The following PRKCE variants were observed in gnomAD, a reference collection of about 807,000 sequenced individuals.
The protein encoded by PRKCE is protein kinase C epsilon.
Under a neutral mutation model 85.4 loss-of-function variants are expected in PRKCE, and 16 were observed. That is an observed-to-expected ratio of 0.19 (90% CI 0.13 to 0.28). The LOEUF (loss-of-function observed/expected upper bound fraction) is 0.28. Ranked by LOEUF, PRKCE falls within the 10% of genes least tolerant of loss-of-function variation. The pLI is 1.00. For missense variants in PRKCE, 573 were observed against 975.2 expected, an observed-to-expected ratio of 0.59 and a Z score of 5.49; for synonymous variants, 388 against 371.5, an observed-to-expected ratio of 1.04 and a Z score of -0.51.
intron 2 of PRKCE, among the ~76,000 whole-genome samples, chr2:45,925,458 G>T (rs1176429410): frequency 2.0e-5 from 3 of 152,088 alleles, no homozygotes; most frequent in Non-Finnish European, 4.4e-5. Context: ...ACCACGCCCA[G>T]CTAACTTTTG....
At chr2:45,910,273 T>G (rs1400218705) in intron 2 of PRKCE, among the ~76,000 whole-genome samples, 3 of 152,204 alleles carry the variant, frequency 2.0e-5, no homozygotes, top group Admixed American at 2.0e-4. Flanking sequence ...TGGTTGTTCT[T>G]GAGTCCCAGT....
intron 1 of PRKCE, among the ~76,000 whole-genome samples, chr2:45,659,595 A>T (rs7575727): frequency 0.088 from 13,326 of 151,488 alleles, 796 homozygotes; most frequent in East Asian, 0.23. Context: ...ATCACTTGCC[A>T]CTCTTCTCCC....
intron 2 of PRKCE, among the ~76,000 whole-genome samples, chr2:45,936,424 C>G (rs992115981): frequency 2.0e-5 from 3 of 152,218 alleles, no homozygotes; most frequent in Admixed American, 6.5e-5. Flanking sequence ...GACAATCTGC[C>G]TAAGTCACTG....
chr2:45,741,665 A>G (rs958232791), intron 1 of PRKCE, among the ~76,000 whole-genome samples: 3 of 151,540 alleles, frequency 2.0e-5, no homozygotes, highest in Admixed American at 1.3e-4. Context: ...GCCTGTGCCC[A>G]GGCTGTAAGG....
At chr2:45,752,938 C>G (rs1683702420) in intron 1 of PRKCE, among the ~76,000 whole-genome samples, 1 of 152,164 alleles carries the variant, frequency 6.6e-6, no homozygotes, top group South Asian at 2.1e-4. Flanking sequence ...GTTAATGGGG[C>G]TTTCTGGAGC....
chr2:46,178,268 A>C (rs933213601), intron 14 of PRKCE, among the ~76,000 whole-genome samples: 1 of 152,258 alleles, frequency 6.6e-6, no homozygotes, highest in African/African-American at 2.4e-5. Flanking sequence ...CTCAAAAAAA[A>C]ATAGAGCACT....
At chr2:45,692,568 A>G (rs1572960237) in intron 1 of PRKCE, among the ~76,000 whole-genome samples, 2 of 152,156 alleles carry the variant, frequency 1.3e-5, no homozygotes, top group South Asian at 4.1e-4. Context: ...ACTTCTACAT[A>G]CATTTTTAGG....
At chr2:46,085,571 T>TA (rs1669524289) in intron 10 of PRKCE, among the ~76,000 whole-genome samples, 1 of 147,232 alleles carries the variant, frequency 6.8e-6, no homozygotes, top group African/African-American at 2.5e-5. Context: ...ACTGTTTCAC[T>TA]CCAATCTCTG....
intron 1 of PRKCE, among the ~76,000 whole-genome samples, chr2:45,814,422 G>T (rs975105129): frequency 6.6e-6 from 1 of 152,206 alleles, no homozygotes; most frequent in African/African-American, 2.4e-5. Flanking sequence ...GCAGCTGGAG[G>T]TCAGAGCCTT....
intron 2 of PRKCE, among the ~76,000 whole-genome samples, chr2:45,900,788 A>G (rs1696520382): frequency 1.3e-5 from 2 of 152,252 alleles, no homozygotes; most frequent in Non-Finnish European, 2.9e-5. Context: ...TTACCACTGT[A>G]AAAATCTTTT....
chr2:45,927,087 C>T (rs1199047217), intron 2 of PRKCE, among the ~76,000 whole-genome samples: 5 of 149,442 alleles, frequency 3.3e-5, no homozygotes, highest in South Asian at 4.2e-4. Context: ...CACATGTGAG[C>T]GTGCATGGGA....
intron 10 of PRKCE, among the ~76,000 whole-genome samples, chr2:46,028,197 C>T (rs939585634): frequency 2.6e-5 from 4 of 152,292 alleles, no homozygotes; most frequent in Non-Finnish European, 1.5e-5. Flanking sequence ...CCGTCTCAGC[C>T]TCCCAAAGTG....
intron 1 of PRKCE, among the ~76,000 whole-genome samples, chr2:45,823,235 C>G (rs891830785): frequency 6.6e-6 from 1 of 152,194 alleles, no homozygotes; most frequent in African/African-American, 2.4e-5. Flanking sequence ...AGAAGTTTGT[C>G]CTCGAGGACC....
intron 1 of PRKCE, 108 bp from the exon 2 acceptor site, chr2:45,842,892 A>G: frequency 1.0e-6 from 1 of 992,446 alleles, no homozygotes; most frequent in Non-Finnish European, 1.6e-6. Context: ...GGTGAATTAC[A>G]TGGAGCTGTG....
chr2:45,993,830 G>C (rs933387180), intron 6 of PRKCE, among the ~76,000 whole-genome samples: 1 of 152,118 alleles, frequency 6.6e-6, no homozygotes, highest in East Asian at 1.9e-4. Flanking sequence ...ATCAGCCCGC[G>C]GATCAGAGTT....
intron 2 of PRKCE, among the ~76,000 whole-genome samples, chr2:45,859,850 C>T (rs142085912): frequency 1.3e-5 from 2 of 152,206 alleles, no homozygotes; most frequent in African/African-American, 4.8e-5. Context: ...GCATTCTCAC[C>T]CTGCTAACTC....
chr2:45,983,840 A>G (rs929235937), intron 5 of PRKCE, among the ~76,000 whole-genome samples: 4 of 152,058 alleles, frequency 2.6e-5, no homozygotes, highest in African/African-American at 7.3e-5. Flanking sequence ...TGCAGAGTTT[A>G]CACGCTGCTG....
chr2:46,112,499 T>G (rs10192893), intron 11 of PRKCE, among the ~76,000 whole-genome samples: 4,567 of 140,754 alleles, frequency 0.032, 89 homozygotes, highest in African/African-American at 0.042. Context: ...TTGGTTTTTT[T>G]TTTGTTTGTT....
chr2:45,684,544 T>C (rs974956814), intron 1 of PRKCE, among the ~76,000 whole-genome samples: 2 of 152,268 alleles, frequency 1.3e-5, no homozygotes, highest in Non-Finnish European at 2.9e-5. Context: ...TCTATGTTAA[T>C]AACCTATTAT....
Sources: gnomAD v4.1 joint callset for allele counts (sites outside exome capture counted in the v4.1 genomes callset) on GRCh38, gnomAD v4.1.1 for gene constraint, MANE v1.5 for transcripts, NCBI Gene and HGNC (gene_info 2026-07-23, HGNC 2026-07-21) for gene names.